The following WDR70 variants were observed in gnomAD, a reference collection of about 807,000 sequenced individuals.
The protein encoded by WDR70 is WD repeat domain 70, also known as WD repeat-containing protein 70.
WDR70 carries 53 observed loss-of-function variants against 88.6 expected under a neutral mutation model. That is an observed-to-expected ratio of 0.60 (90% CI 0.48 to 0.75). WDR70 has a LOEUF of 0.75. Ranked by LOEUF, WDR70 falls within the 30% of genes least tolerant of loss-of-function variation. The pLI, the probability that WDR70 is intolerant of heterozygous loss-of-function variation, is 0.00. For synonymous variants in WDR70, 280 were observed against 270.0 expected (o/e 1.04, Z -0.36); for missense variants, 610 against 823.2 (o/e 0.74, Z 3.17).
At chr5:37,726,596 T>C (rs951791070) in intron 16 of WDR70, among the ~76,000 whole-genome samples, 2 of 152,190 alleles carry the variant, frequency 1.3e-5, no homozygotes, top group African/African-American at 4.8e-5. Flanking sequence ...AGAGGAACTT[T>C]TTAAAGCATA....
intron 10 of WDR70, among the ~76,000 whole-genome samples, chr5:37,618,784 A>G (rs138813014): frequency 6.6e-6 from 1 of 152,296 alleles, no homozygotes; most frequent in East Asian, 1.9e-4. Flanking sequence ...GATTGGCATT[A>G]TTCAAGTTAC....
rs554645766 is a variant in WDR70, at chr5:37,542,372, C to T, written c.917+25782C>T. Among the ~76,000 whole-genome samples, 116 of 151,668 alleles carry T rather than the reference C, an allele frequency of 7.6e-4. No individual in the cohort carries two copies. The South Asian group carries it at 8.3e-3, about 11-fold the overall frequency. ...TCGGCTCACTGCAACCTCCACCTCC[C>T]GGGTTCAAGCAGTTCTCCTGCCTCA... On this transcript the variant is annotated intron_variant, in intron 9 of 17. Coordinates refer to ENST00000265107, the MANE Select transcript of WDR70 (RefSeq NM_018034.4).
chr5:37,443,133 CA>C, intron 6 of WDR70, 105 bp from the exon 7 acceptor site: 1 of 1,268,494 alleles, frequency 7.9e-7, no homozygotes, highest in Admixed American at 2.7e-5. Context: ...TTTGTACTTC[CA>C]AGTCCTATAA....
intron 8 of WDR70, among the ~76,000 whole-genome samples, chr5:37,514,657 C>T (rs575881646): frequency 6.6e-5 from 10 of 152,064 alleles, no homozygotes; most frequent in African/African-American, 2.4e-4. Flanking sequence ...GTTTGGTTTT[C>T]TGTTCCTACG....
intron 9 of WDR70, among the ~76,000 whole-genome samples, chr5:37,569,965 G>A (rs1440999116): frequency 6.6e-6 from 1 of 152,116 alleles, no homozygotes; most frequent in Non-Finnish European, 1.5e-5. Flanking sequence ...AAGAAATAGG[G>A]ACTAATAGTA....
intron 5 of WDR70, among the ~76,000 whole-genome samples, chr5:37,422,722 C>T (rs1322123865): frequency 6.6e-6 from 1 of 152,108 alleles, no homozygotes; most frequent in African/African-American, 2.4e-5. Context: ...AGGTGATCCG[C>T]CTGCCTCCTC....
chr5:37,513,529 T>A (rs1384186035), intron 8 of WDR70, among the ~76,000 whole-genome samples: 3 of 152,098 alleles, frequency 2.0e-5, no homozygotes, highest in Admixed American at 6.6e-5. Flanking sequence ...ACTGTGTATA[T>A]TAGGGTTCCC....
chr5:37,742,635 A>G (rs1463435843), intron 17 of WDR70, among the ~76,000 whole-genome samples: 1 of 152,208 alleles, frequency 6.6e-6, no homozygotes, highest in African/African-American at 2.4e-5. Flanking sequence ...TTTTGGAATC[A>G]TATCCAAGAA....
intron 10 of WDR70, among the ~76,000 whole-genome samples, chr5:37,690,201 A>G (rs913758756): frequency 6.6e-6 from 1 of 152,220 alleles, no homozygotes; most frequent in African/African-American, 2.4e-5. Context: ...TCCAAGAAAT[A>G]TGGGACTATG....
At chr5:37,412,463 A>G (rs1749555548) in intron 5 of WDR70, among the ~76,000 whole-genome samples, 1 of 150,422 alleles carries the variant, frequency 6.6e-6, no homozygotes, top group Non-Finnish European at 1.5e-5. Flanking sequence ...TTTTTTTTTT[A>G]GGGATGAAGG....
At chr5:37,663,441 G>A (rs532491976) in intron 10 of WDR70, among the ~76,000 whole-genome samples, 10 of 152,016 alleles carry the variant, frequency 6.6e-5, no homozygotes, top group South Asian at 2.1e-4. Flanking sequence ...TCTTAAGTCC[G>A]ACCTGAAAAA....
chr5:37,527,149 A>G (rs1406850216), intron 9 of WDR70, among the ~76,000 whole-genome samples: 1 of 152,186 alleles, frequency 6.6e-6, no homozygotes. Flanking sequence ...GTTTATATGG[A>G]ACCAAAAAAG....
At chr5:37,628,462 A>G (rs958091822) in intron 10 of WDR70, among the ~76,000 whole-genome samples, 8 of 152,178 alleles carry the variant, frequency 5.3e-5, no homozygotes. Flanking sequence ...TTATTATTAT[A>G]TAACGTACTT....
At chr5:37,408,355 TCC>T (rs1301093427) in intron 5 of WDR70, among the ~76,000 whole-genome samples, 2 of 152,036 alleles carry the variant, frequency 1.3e-5, no homozygotes, top group African/African-American at 4.8e-5. Context: ...ACGCCTGTAA[TCC>T]CAGCTACTCA....
At chr5:37,464,224 G>A (rs752626152) in intron 7 of WDR70, among the ~76,000 whole-genome samples, 13 of 152,200 alleles carry the variant, frequency 8.5e-5, no homozygotes, top group Admixed American at 3.9e-4. Flanking sequence ...AATGGGAGTA[G>A]CATTAACAAG....
At chr5:37,541,521 G>A (rs1281896536) in intron 9 of WDR70, among the ~76,000 whole-genome samples, 3 of 152,166 alleles carry the variant, frequency 2.0e-5, no homozygotes, top group African/African-American at 7.2e-5. Context: ...ATTGTGAAAT[G>A]TTTATCTGTG....
At chr5:37,743,937 G>T (rs954656151) in intron 17 of WDR70, among the ~76,000 whole-genome samples, 3 of 152,118 alleles carry the variant, frequency 2.0e-5, no homozygotes, top group South Asian at 2.1e-4. Flanking sequence ...CGTTAAATGG[G>T]TCCTGCTCCC....
chr5:37,417,462 T>G (rs910209342), intron 5 of WDR70, among the ~76,000 whole-genome samples: 1 of 151,890 alleles, frequency 6.6e-6, no homozygotes, highest in Admixed American at 6.6e-5. Flanking sequence ...TGGGCTCAGG[T>G]GATCTGCCTG....
chr5:37,414,264 T>G (rs1192685426), intron 5 of WDR70, among the ~76,000 whole-genome samples: 5 of 148,574 alleles, frequency 3.4e-5, no homozygotes, highest in Non-Finnish European at 7.4e-5. Context: ...CACACTGACT[T>G]TATCCCCTTC....
Sources: gnomAD v4.1 joint callset for allele counts (sites outside exome capture counted in the v4.1 genomes callset) on GRCh38, gnomAD v4.1.1 for gene constraint, MANE v1.5 for transcripts, NCBI Gene and HGNC (gene_info 2026-07-23, HGNC 2026-07-21) for gene names.